Variants in TRERF1 observed in about 807,000 individuals in gnomAD.
TRERF1 encodes transcriptional-regulating factor 1.
TRERF1 carries 27 observed loss-of-function variants against 122.9 expected under a neutral mutation model. The observed-to-expected ratio is 0.22, with a 90% CI of 0.16 to 0.30. TRERF1 has a LOEUF of 0.30. Ranked by LOEUF, TRERF1 falls within the 10% of genes least tolerant of loss-of-function variation. The probability of loss-of-function intolerance (pLI) is 1.00; values close to 1 mark genes in which losing one functional copy is unlikely to be tolerated. For missense variants in TRERF1, 1,248 were observed against 1,560.3 expected (o/e 0.80, Z 3.37); for synonymous variants, 636 against 641.7 (o/e 0.99, Z 0.13).
At chr6:42,355,694 A>T (rs775498871) in intron 3 of TRERF1, among the ~76,000 whole-genome samples, 22 of 152,264 alleles carry the variant, frequency 1.4e-4, no homozygotes, top group Non-Finnish European at 2.9e-4. Flanking sequence ...GGGGTGTATG[A>T]GTGTGTGTGT....
At chr6:42,364,970 C>T (rs1376240879) in intron 2 of TRERF1, among the ~76,000 whole-genome samples, 1 of 152,126 alleles carries the variant, frequency 6.6e-6, no homozygotes, top group Non-Finnish European at 1.5e-5. Flanking sequence ...ATGTCTCTTT[C>T]TCTGAGTGCA....
intron 2 of TRERF1, among the ~76,000 whole-genome samples, chr6:42,408,353 G>GTGTA (rs2151425986): frequency 8.7e-6 from 1 of 115,432 alleles, no homozygotes; most frequent in African/African-American, 3.2e-5. Flanking sequence ...GTGTGTGTGT[G>GTGTA]TGTATATATA....
chr6:42,427,520 G>A (rs1024931493), intron 2 of TRERF1, among the ~76,000 whole-genome samples: 3 of 151,304 alleles, frequency 2.0e-5, no homozygotes, highest in African/African-American at 4.9e-5. Flanking sequence ...CAAAGCACTG[G>A]GATTACAGGT....
At chr6:42,317,087 C>T (rs559111432) in intron 3 of TRERF1, among the ~76,000 whole-genome samples, 76 of 152,244 alleles carry the variant, frequency 5.0e-4, no homozygotes, top group Middle Eastern at 6.8e-3. Flanking sequence ...TTTTCCACAC[C>T]CCTACGATTT....
At chr6:42,307,456 T>A (rs1284658007) in intron 3 of TRERF1, among the ~76,000 whole-genome samples, 1 of 152,168 alleles carries the variant, frequency 6.6e-6, no homozygotes, top group Non-Finnish European at 1.5e-5. Context: ...CACAGTAGAA[T>A]ACAAAATTCC....
intron 4 of TRERF1, among the ~76,000 whole-genome samples, chr6:42,294,738 C>T (rs946786758): frequency 6.6e-6 from 1 of 152,154 alleles, no homozygotes; most frequent in African/African-American, 2.4e-5. Flanking sequence ...TAATGTGTCC[C>T]CTGACTTCCT....
At chr6:42,246,221 C>T (rs1230814236) in intron 14 of TRERF1, among the ~76,000 whole-genome samples, 1 of 152,178 alleles carries the variant, frequency 6.6e-6, no homozygotes. Flanking sequence ...TAGAAAATAA[C>T]CCCGTGCCAC....
At chr6:42,234,213 T>C (rs1771542306) in intron 16 of TRERF1, among the ~76,000 whole-genome samples, 1 of 152,194 alleles carries the variant, frequency 6.6e-6, no homozygotes, top group Non-Finnish European at 1.5e-5. Flanking sequence ...TCCATATCCC[T>C]GAATCCAATG....
intron 2 of TRERF1, among the ~76,000 whole-genome samples, chr6:42,366,124 C>A (rs573542434): frequency 6.6e-6 from 1 of 152,306 alleles, no homozygotes; most frequent in South Asian, 2.1e-4. Context: ...CCCTCTCCTG[C>A]AGTCTGCTGG....
intron 3 of TRERF1, among the ~76,000 whole-genome samples, chr6:42,343,056 A>G (rs1171141917): frequency 6.6e-6 from 1 of 152,086 alleles, no homozygotes; most frequent in Admixed American, 6.5e-5. Flanking sequence ...CCCACCTCAC[A>G]TTGACTCATA....
intron 2 of TRERF1, among the ~76,000 whole-genome samples, chr6:42,401,083 C>G (rs1779312055): frequency 6.6e-6 from 1 of 152,168 alleles, no homozygotes; most frequent in South Asian, 2.1e-4. Flanking sequence ...CATCCGGGGC[C>G]AATCATTTGA....
intron 2 of TRERF1, among the ~76,000 whole-genome samples, chr6:42,429,262 G>A (rs1784115309): frequency 1.3e-5 from 2 of 152,126 alleles, no homozygotes; most frequent in Non-Finnish European, 2.9e-5. Context: ...ACTGGTGTCT[G>A]GAGAAACCCC....
At chr6:42,375,908 C>T (rs1011317134) in intron 2 of TRERF1, among the ~76,000 whole-genome samples, 2 of 152,062 alleles carry the variant, frequency 1.3e-5, no homozygotes, top group Non-Finnish European at 2.9e-5. Context: ...AAATGGGGCC[C>T]CCTTGATTCA....
At chr6:42,399,475 T>C (rs1483851098) in intron 2 of TRERF1, among the ~76,000 whole-genome samples, 1 of 151,700 alleles carries the variant, frequency 6.6e-6, no homozygotes, top group Non-Finnish European at 1.5e-5. Flanking sequence ...AAGGAAGAGG[T>C]CCTCCTGAAT....
chr6:42,284,500 A>C (rs1782849314), intron 4 of TRERF1, among the ~76,000 whole-genome samples: 1 of 152,262 alleles, frequency 6.6e-6, no homozygotes, highest in African/African-American at 2.4e-5. Context: ...CAGCTGAGGT[A>C]GAACAAGGTG....
At position 42,277,576 on chromosome 6, in the gene TRERF1, A is replaced by G. The variant is rs566357489; in HGVS notation, c.-258-7728T>C. Among the ~76,000 whole-genome samples, 4 of 152,214 alleles carry G rather than the reference A, an allele frequency of 2.6e-5. No individual in the cohort carries two copies. The East Asian group carries it at 7.7e-4, about 29-fold the overall frequency. ...TAGAAGAGCATTGGAAAAAGCTGAG[A>G]GTGGTGGCTCATGCCTCTAATCCCA... On this transcript the variant is annotated intron_variant, in intron 4 of 17. Coordinates refer to ENST00000372922, the Ensembl canonical transcript of TRERF1.
chr6:42,293,936 G>T (rs927650293), intron 4 of TRERF1, among the ~76,000 whole-genome samples: 1 of 152,140 alleles, frequency 6.6e-6, no homozygotes, highest in African/African-American at 2.4e-5. Flanking sequence ...AATCCCCTGA[G>T]ACCCTGCCTG....
intron 4 of TRERF1, among the ~76,000 whole-genome samples, chr6:42,299,248 T>C (rs1369459563): frequency 6.8e-6 from 1 of 147,714 alleles, no homozygotes; most frequent in Non-Finnish European, 1.5e-5. Flanking sequence ...CTATCATCTA[T>C]CCAGGTAGCT....
chr6:42,361,826 T>C (rs1364512889), intron 3 of TRERF1, among the ~76,000 whole-genome samples: 1 of 152,216 alleles, frequency 6.6e-6, no homozygotes, highest in African/African-American at 2.4e-5. Flanking sequence ...GTGGACAGCA[T>C]CCACCCAGTT....
Sources: gnomAD v4.1 joint callset for allele counts (sites outside exome capture counted in the v4.1 genomes callset) on GRCh38, gnomAD v4.1.1 for gene constraint, MANE v1.5 for transcripts, NCBI Gene and HGNC (gene_info 2026-07-23, HGNC 2026-07-21) for gene names.